The following PPIP5K2 variants were observed in gnomAD, a reference collection of about 807,000 sequenced individuals.
PPIP5K2 encodes the protein inositol hexakisphosphate and diphosphoinositol-pentakisphosphate kinase 2.
Under a neutral mutation model 154.6 loss-of-function variants are expected in PPIP5K2, and 105 were observed. The observed-to-expected ratio is 0.68, with a 90% CI of 0.58 to 0.80. The LOEUF is 0.80. PPIP5K2 is among the 30% of genes least tolerant of loss of function. PPIP5K2 has a pLI of 0.00. For synonymous variants in PPIP5K2, 480 were observed against 490.3 expected, an observed-to-expected ratio of 0.98 and a Z score of 0.28; for missense variants, 992 against 1,504.6, an observed-to-expected ratio of 0.66 and a Z score of 5.64.
chr5:103,162,550 A>T (rs1160273779), intron 17 of PPIP5K2, among the ~76,000 whole-genome samples: 1 of 151,566 alleles, frequency 6.6e-6, no homozygotes, highest in Non-Finnish European at 1.5e-5. Context: ...TTTTGTAGAG[A>T]CTGGGTCTCA....
chr5:103,135,195 G>A (rs369483665), intron 3 of PPIP5K2, among the ~76,000 whole-genome samples: 2 of 152,080 alleles, frequency 1.3e-5, no homozygotes, highest in East Asian at 3.9e-4. Flanking sequence ...GCCAGGTACT[G>A]TGCTTAGTGC....
At position 103,160,540 on chromosome 5, in the gene PPIP5K2, T is replaced by G. The variant is rs797028587; in HGVS notation, c.1920+1212T>G. ...TTCCATTTCAGGGTTGGCAGAACTT[T>G]TCTGTAAAAGGCCAGATAGTAAATA... On this transcript the variant is annotated intron_variant, in intron 17 of 30. Coordinates refer to ENST00000358359, the MANE Select transcript of PPIP5K2 (RefSeq NM_001276277.3). Among the ~76,000 whole-genome samples, 4 of 152,348 alleles carry G rather than the reference T, an allele frequency of 2.6e-5. 1 individual carries two copies. Among genetic ancestry groups the G allele is most frequent in the African/African-American group, 9.6e-5 (4 of 41,584 alleles).
At chr5:103,142,514 C>G (rs550581120) in intron 5 of PPIP5K2, among the ~76,000 whole-genome samples, 4 of 152,374 alleles carry the variant, frequency 2.6e-5, no homozygotes, top group Admixed American at 2.0e-4. Context: ...AAGGGCTCCT[C>G]AAGCGCCGCC....
At chr5:103,198,311 A>G (rs1166385404) in intron 30 of PPIP5K2, among the ~76,000 whole-genome samples, 1 of 151,998 alleles carries the variant, frequency 6.6e-6, no homozygotes, top group Non-Finnish European at 1.5e-5. Context: ...TTTGAATATA[A>G]TTTGTGTACT....
rs1267749711 is a variant in PPIP5K2 at position 103,158,619 on chromosome 5, A to G, written c.1737+46A>G. Reference sequence around the variant, plus strand: ...GAATTATTAGAGTTTTTAATCTAATATTGTATCTTAAAACATTTTTGGCTG... The same window carrying G: ...GAATTATTAGAGTTTTTAATCTAATGTTGTATCTTAAAACATTTTTGGCTG... On this transcript the variant is annotated intron_variant, in intron 16 of 30. Transcript: ENST00000358359. 6.1e-6 allele frequency: 9 copies of G among 1,480,466 alleles called. 1 individual carries two copies. The highest frequency in any genetic ancestry group is 4.1e-4 in the Middle Eastern group (2 of 4,926). The allele number at this position is 1,480,466 out of a possible 1,614,324, so 91.7% of individuals were successfully genotyped here. A position where few individuals can be genotyped will look rare whatever the true frequency, so the allele number is the denominator to read the frequency against.
rs111986977 is a variant in PPIP5K2, at chr5:103,130,527, C to A, written c.114+824C>A. On this transcript the variant is annotated intron_variant, in intron 2 of 30. Transcript: ENST00000358359. ...ATATTGATTAGATGACTCTTTAAGC[C>A]CCTTTTTATATTAACAATATCTTTC... 7.9e-3 allele frequency among the ~76,000 whole-genome samples: 1,195 copies of A among 152,064 alleles called. 21 individuals carry two copies. The highest frequency in any genetic ancestry group is 0.026 in the African/African-American group (1,086 of 41,484).
intron 19 of PPIP5K2, 65 bp downstream of exon 19, chr5:103,168,360 T>C (rs529566171): frequency 7.7e-7 from 1 of 1,299,304 alleles, no homozygotes; most frequent in African/African-American, 1.5e-5. Context: ...TGTCTGTTGG[T>C]GGATAAAAAG....
chr5:103,120,744 GA>G, intron 1 of PPIP5K2: 1 of 326,470 alleles, frequency 3.1e-6, no homozygotes, highest in Non-Finnish European at 6.2e-6. Context: ...CGAGACGCCA[GA>G]AATTGAAGAT....
In PPIP5K2 at chr5:103,209,673, C is replaced by A. The variant is rs1401832100; in HGVS notation, c.*8039C>A. 1.3e-5 allele frequency: 2 copies of A among 151,932 alleles called. No individual in the cohort carries two copies. The highest frequency in any genetic ancestry group is 2.9e-5 in the Non-Finnish European group (2 of 67,956). The allele number at this position is 151,932 out of a possible 1,614,324, so 9.4% of individuals were successfully genotyped here. A position where few individuals can be genotyped will look rare whatever the true frequency, so the allele number is the denominator to read the frequency against. ...GAATATGCCTTCAGAAAGTTTTTTG[C>A]TGCTTTTAAAAGCCATAGATTTGTC... On this transcript the variant is annotated 3_prime_UTR_variant, in exon 31 of 31. Transcript: ENST00000358359.
chr5:103,188,985 A>C (rs941888458), intron 28 of PPIP5K2: 5 of 459,150 alleles, frequency 1.1e-5, no homozygotes, highest in South Asian at 5.0e-5. Flanking sequence ...GTGTTGTCTT[A>C]TCTGTCCTAT....
At chr5:103,159,443 C>A in intron 17 of PPIP5K2, 115 bp downstream of exon 17, 1 of 878,414 alleles carries the variant, frequency 1.1e-6, no homozygotes, top group Non-Finnish European at 1.6e-6. Context: ...CACATGTTAT[C>A]ATCCTCCAGG....
At chr5:103,193,935 C>T (rs1426827724) in intron 29 of PPIP5K2, among the ~76,000 whole-genome samples, 2 of 152,176 alleles carry the variant, frequency 1.3e-5, no homozygotes, top group African/African-American at 4.8e-5. Flanking sequence ...CTCAATTTCT[C>T]TGCCTTAGTT....
intron 30 of PPIP5K2, among the ~76,000 whole-genome samples, chr5:103,197,764 G>A (rs1802339564): frequency 6.6e-6 from 1 of 151,034 alleles, no homozygotes; most frequent in Admixed American, 6.6e-5. Flanking sequence ...TTTTAGTAGA[G>A]ATGGAGTTTC....
At chr5:103,189,239 A>T in intron 28 of PPIP5K2, 1 of 1,505,528 alleles carries the variant, frequency 6.6e-7, no homozygotes, top group Non-Finnish European at 8.9e-7. Flanking sequence ...ATGTTTTTAT[A>T]GCTTCTAAAC....
intron 7 of PPIP5K2, 25 bp from the exon 8 acceptor site, chr5:103,149,127 T>C (rs1794200834): frequency 6.4e-7 from 1 of 1,556,978 alleles, no homozygotes; most frequent in Non-Finnish European, 8.7e-7. Flanking sequence ...TATATATTTA[T>C]ACATTTATTA....
intron 30 of PPIP5K2, among the ~76,000 whole-genome samples, chr5:103,200,291 G>C (rs1046966565): frequency 2.0e-5 from 3 of 152,054 alleles, no homozygotes; most frequent in Non-Finnish European, 2.9e-5. Context: ...CTTTCTAGCA[G>C]CTGTAGTTGC....
At chr5:103,201,396 T>G in intron 30 of PPIP5K2, 126 bp from the exon 31 acceptor site, 1 of 604,104 alleles carries the variant, frequency 1.7e-6, no homozygotes, top group East Asian at 3.0e-5. Context: ...TATATTAAAT[T>G]TTTACATTTC....
At chr5:103,183,213 T>A in intron 24 of PPIP5K2, 21 bp from the exon 25 acceptor site, 1 of 465,808 alleles carries the variant, frequency 2.1e-6, no homozygotes, top group South Asian at 4.7e-5. Context: ...TTTTTTTTTT[T>A]GCCCCCTTTC....
intron 1 of PPIP5K2, among the ~76,000 whole-genome samples, chr5:103,121,097 T>C (rs1167299001): frequency 6.6e-6 from 1 of 152,116 alleles, no homozygotes; most frequent in Non-Finnish European, 1.5e-5. Context: ...AGATTGCGAC[T>C]CTTGGTGTCC....
Sources: gnomAD v4.1 joint callset for allele counts (sites outside exome capture counted in the v4.1 genomes callset) on GRCh38, gnomAD v4.1.1 for gene constraint, MANE v1.5 for transcripts, NCBI Gene and HGNC (gene_info 2026-07-23, HGNC 2026-07-21) for gene names.